The following COL26A1 variants were observed in gnomAD, a reference collection of about 807,000 sequenced individuals.
COL26A1 encodes the protein collagen type XXVI alpha 1 chain.
COL26A1 carries 41 observed loss-of-function variants against 59.3 expected under a neutral mutation model. The observed-to-expected ratio is 0.69, with a 90% CI of 0.54 to 0.90. The LOEUF (loss-of-function observed/expected upper bound fraction) is 0.90, where lower values mean the gene tolerates loss of function less well. Ranked by LOEUF, COL26A1 falls within the 40% of genes least tolerant of loss-of-function variation. The pLI is 0.00. For synonymous variants in COL26A1, 266 were observed against 256.0 expected (o/e 1.04, Z -0.37); for missense variants, 612 against 602.3 (o/e 1.02, Z -0.17).
chr7:101,471,098 G>A (rs1273065532), intron 3 of COL26A1, among the ~76,000 whole-genome samples: 1 of 152,138 alleles, frequency 6.6e-6, no homozygotes, highest in Non-Finnish European at 1.5e-5. Context: ...AGCTGAGGCT[G>A]GATGCTACTC....
intron 2 of COL26A1, among the ~76,000 whole-genome samples, chr7:101,431,931 A>G (rs1337069000): frequency 6.6e-6 from 1 of 151,234 alleles, no homozygotes; most frequent in Non-Finnish European, 1.5e-5. Context: ...AGCTGAGACT[A>G]CAGGCGTACA....
intron 3 of COL26A1, among the ~76,000 whole-genome samples, chr7:101,487,675 G>A: frequency 6.6e-6 from 1 of 152,276 alleles, no homozygotes; most frequent in East Asian, 1.9e-4. Flanking sequence ...CGGCCACTCT[G>A]GCCACCACTG....
At chr7:101,525,812 G>A (rs1372613420) in intron 3 of COL26A1, among the ~76,000 whole-genome samples, 3 of 152,084 alleles carry the variant, frequency 2.0e-5, no homozygotes, top group African/African-American at 7.2e-5. Context: ...TCTTACTTAA[G>A]TTAGAAAGTG....
chr7:101,519,382 C>G (rs1032501000), intron 3 of COL26A1, among the ~76,000 whole-genome samples: 2 of 152,198 alleles, frequency 1.3e-5, no homozygotes, highest in Non-Finnish European at 2.9e-5. Flanking sequence ...GTCATCATAG[C>G]TCACTGCTGC....
intron 1 of COL26A1, among the ~76,000 whole-genome samples, chr7:101,388,044 G>A (rs1262361889): frequency 1.3e-5 from 2 of 151,268 alleles, no homozygotes; most frequent in Admixed American, 6.6e-5. Flanking sequence ...GAGTACAGGC[G>A]TGAGCCACTG....
intron 3 of COL26A1, among the ~76,000 whole-genome samples, chr7:101,496,724 A>C (rs1268894202): frequency 6.6e-6 from 1 of 152,056 alleles, no homozygotes; most frequent in African/African-American, 2.4e-5. Context: ...CATCTCTACC[A>C]AAAATACAAA....
chr7:101,527,507 T>TG (rs1386855597), intron 3 of COL26A1, among the ~76,000 whole-genome samples: 1 of 151,396 alleles, frequency 6.6e-6, no homozygotes, highest in Non-Finnish European at 1.5e-5. Context: ...TTTTTTTTTT[T>TG]GTATTTTTAG....
chr7:101,381,787 AT>A (rs1476120617), intron 1 of COL26A1, among the ~76,000 whole-genome samples: 1 of 152,182 alleles, frequency 6.6e-6, no homozygotes, highest in Non-Finnish European at 1.5e-5. Context: ...ATAGCACTGC[AT>A]AAGATAACAT....
chr7:101,438,611 T>A (rs1163114008), intron 2 of COL26A1, among the ~76,000 whole-genome samples: 2 of 151,482 alleles, frequency 1.3e-5, no homozygotes, highest in African/African-American at 4.8e-5. Context: ...TACTCTCAGG[T>A]GTGAGTGGGC....
intron 1 of COL26A1, 53 bp from the exon 2 acceptor site, chr7:101,419,924 G>A (rs1031931213): frequency 1.9e-6 from 3 of 1,593,440 alleles, no homozygotes; most frequent in Non-Finnish European, 2.6e-6. Flanking sequence ...CTGACCCGAA[G>A]TTGGCAGCTC....
At chr7:101,385,687 A>G (rs542991888) in intron 1 of COL26A1, among the ~76,000 whole-genome samples, 1 of 147,086 alleles carries the variant, frequency 6.8e-6, no homozygotes, top group African/African-American at 2.5e-5. Context: ...AATTGAAAAA[A>G]ATTTTTTTTA....
At chr7:101,364,342 AT>A (rs11334864) in intron 1 of COL26A1, among the ~76,000 whole-genome samples, 87,938 of 150,130 alleles carry the variant, frequency 0.59, 27,056 homozygotes, top group African/African-American at 0.8. Flanking sequence ...TTATATTTTA[AT>A]TTTTTTTTTT....
chr7:101,539,282 G>C (rs976324952), intron 4 of COL26A1, among the ~76,000 whole-genome samples: 1 of 137,390 alleles, frequency 7.3e-6, no homozygotes, highest in East Asian at 2.0e-4. Context: ...TTCTGTCTGT[G>C]TGTGTGTGTG....
intron 3 of COL26A1, among the ~76,000 whole-genome samples, chr7:101,450,038 C>T (rs574968284): frequency 1.6e-4 from 24 of 151,390 alleles, no homozygotes; most frequent in African/African-American, 5.3e-4. Flanking sequence ...GCAGAAGAAT[C>T]GCTTGAACCC....
intron 3 of COL26A1, among the ~76,000 whole-genome samples, chr7:101,515,157 T>G (rs746343237): frequency 2.0e-5 from 3 of 152,224 alleles, no homozygotes; most frequent in Non-Finnish European, 4.4e-5. Context: ...AGCCCCAATT[T>G]AGTAGCCTCA....
intron 1 of COL26A1, among the ~76,000 whole-genome samples, chr7:101,415,157 C>T (rs10233701): frequency 0.11 from 15,551 of 147,240 alleles, 1,224 homozygotes; most frequent in African/African-American, 0.23. Flanking sequence ...AACCCCCCCC[C>T]TTTTTTTTTT....
At chr7:101,392,148 C>G (rs1000164116) in intron 1 of COL26A1, among the ~76,000 whole-genome samples, 2 of 152,080 alleles carry the variant, frequency 1.3e-5, no homozygotes, top group Non-Finnish European at 2.9e-5. Flanking sequence ...GGAGAAGTTG[C>G]TAGAGATTTC....
intron 1 of COL26A1, among the ~76,000 whole-genome samples, chr7:101,387,519 A>G (rs1791605105): frequency 6.6e-6 from 1 of 150,796 alleles, no homozygotes; most frequent in African/African-American, 2.4e-5. Flanking sequence ...AAATAGACCT[A>G]ACAGACGATT....
intron 1 of COL26A1, among the ~76,000 whole-genome samples, chr7:101,411,727 A>T (rs1282825246): frequency 6.6e-6 from 1 of 152,098 alleles, no homozygotes; most frequent in African/African-American, 2.4e-5. Flanking sequence ...CTAGGCAAGC[A>T]GGCAGGCACA....
Sources: allele counts gnomAD v4.1 joint callset (sites outside exome capture counted in the v4.1 genomes callset), GRCh38; gene constraint gnomAD v4.1.1; transcripts MANE v1.5; gene names NCBI Gene and HGNC (gene_info 2026-07-23, HGNC 2026-07-21).